Variants in FHL2 observed in about 807,000 individuals in gnomAD.
FHL2 encodes the protein four and a half LIM domains protein 2.
Under a neutral mutation model 32.7 loss-of-function variants are expected in FHL2, and 20 were observed. The ratio of observed to expected loss-of-function variants is 0.61; its 90% CI spans 0.43 to 0.89. The LOEUF (loss-of-function observed/expected upper bound fraction) is 0.89, where lower values mean the gene tolerates loss of function less well. Ranked by LOEUF, FHL2 falls within the 40% of genes least tolerant of loss-of-function variation. The pLI, the probability that FHL2 is intolerant of heterozygous loss-of-function variation, is 0.00. For missense variants in FHL2, 311 were observed against 358.6 expected (o/e 0.87, Z 1.07); for synonymous variants, 123 against 128.1 (o/e 0.96, Z 0.27).
intron 1 of FHL2, among the ~76,000 whole-genome samples, chr2:105,410,197 A>G (rs1351313020): frequency 6.6e-6 from 1 of 152,240 alleles, no homozygotes; most frequent in Non-Finnish European, 1.5e-5. Flanking sequence ...TTTGTCCCCC[A>G]AAAGGAATCA....
At chr2:105,429,381 A>T (rs1684358036) in intron 1 of FHL2, among the ~76,000 whole-genome samples, 1 of 152,148 alleles carries the variant, frequency 6.6e-6, no homozygotes, top group Non-Finnish European at 1.5e-5. Context: ...AGATAGGGGG[A>T]TTATTCTACA....
intron 1 of FHL2, among the ~76,000 whole-genome samples, chr2:105,420,919 G>T (rs543674120): frequency 1.7e-3 from 261 of 152,282 alleles, no homozygotes; most frequent in Non-Finnish European, 3.1e-3. Context: ...TTCCTAACAG[G>T]CCATGAACCA....
At chr2:105,410,383 A>C (rs1170351258) in intron 1 of FHL2, among the ~76,000 whole-genome samples, 1 of 152,140 alleles carries the variant, frequency 6.6e-6, no homozygotes, top group East Asian at 1.9e-4. Flanking sequence ...CTGCTTCTAG[A>C]GGGTCCATGA....
At position 105,411,754 on chromosome 2, in the gene FHL2, G is replaced by A. The variant is rs144897539; in HGVS notation, c.-24-25214C>T. ...GGATAATGGCTTGAACCCAGGAGGC[G>A]GAGGTTGTGGTAAGCCGAGATCACG... On this transcript the variant is annotated intron_variant, in intron 1 of 5. Coordinates refer to the FHL2 transcript ENST00000393352. Among the ~76,000 whole-genome samples, 31 of 151,574 alleles carry A rather than the reference G, an allele frequency of 2.0e-4. No homozygotes were observed. In the East Asian group the frequency reaches 3.9e-3, roughly 19 times the overall value.
In FHL2 at chr2:105,398,987, G is replaced by C; in HGVS notation, c.-221C>G. 6.6e-7 allele frequency: 1 copy of C among 1,509,388 alleles called. No individual in the cohort carries two copies. Among genetic ancestry groups the C allele is most frequent in the Non-Finnish European group, 8.8e-7 (1 of 1,132,774 alleles). The allele number at this position is 1,509,388 out of a possible 1,614,324, so 93.5% of individuals were successfully genotyped here. On this transcript the variant is annotated 5_prime_UTR_variant, in exon 1 of 7. Transcript: ENST00000530340. ...GTACTCACGGCACCGCAGCGGGCCGGGGACTCCCGGACGGGGCTGGAGGGC... is the reference window on the plus strand; with the variant it reads ...GTACTCACGGCACCGCAGCGGGCCGCGGACTCCCGGACGGGGCTGGAGGGC...
chr2:105,421,246 G>C (rs182426863), intron 1 of FHL2, among the ~76,000 whole-genome samples: 89 of 152,356 alleles, frequency 5.8e-4, no homozygotes, highest in African/African-American at 2.1e-3. Flanking sequence ...GTCTGGGACA[G>C]AGTCCACACA....
At chr2:105,432,963 C>T (rs1684482049) in intron 1 of FHL2, among the ~76,000 whole-genome samples, 1 of 152,146 alleles carries the variant, frequency 6.6e-6, no homozygotes, top group African/African-American at 2.4e-5. Context: ...CTTTGGATTT[C>T]AACACTCCTA....
chr2:105,395,935 G>C (rs1683094978), intron 2 of FHL2, among the ~76,000 whole-genome samples: 1 of 152,126 alleles, frequency 6.6e-6, no homozygotes, highest in Non-Finnish European at 1.5e-5. Context: ...ACGAGCACTG[G>C]GATGGACCTG....
chr2:105,381,449 G>A (rs1573328468), intron 3 of FHL2, among the ~76,000 whole-genome samples: 5 of 152,118 alleles, frequency 3.3e-5, no homozygotes, highest in African/African-American at 7.2e-5. Context: ...TCCCCTTCGC[G>A]CAGCTTGTCA....
At chr2:105,392,309 C>CA (rs1463968620) in intron 2 of FHL2, among the ~76,000 whole-genome samples, 6 of 152,000 alleles carry the variant, frequency 3.9e-5, no homozygotes, top group Admixed American at 1.3e-4. Flanking sequence ...CCCATCTCTA[C>CA]AAAAAACACA....
At position 105,386,506 on chromosome 2, in the gene FHL2, C is replaced by T. The variant is rs369109946; in HGVS notation, c.11G>A (p.Arg4His). MTERFDCHHCNESL... is the reference protein window; with the variant it reads MTEHFDCHHCNESL... Reference sequence around the variant, plus strand: ...TTCGTTGCAATGGTGGCAGTCAAAGCGCTCAGTCATTTTGACTCCTGGCTT... The same window carrying T: ...TTCGTTGCAATGGTGGCAGTCAAAGTGCTCAGTCATTTTGACTCCTGGCTT... The change falls in exon 3 of 7, where the codon CGC becomes CAC. Residue 4 changes from arginine to histidine, a missense_variant. Physicochemically the swap from Arg to His is conservative, Grantham distance 29. Transcript: ENST00000530340. 15 of 1,614,016 alleles carry T rather than the reference C, an allele frequency of 9.3e-6. No homozygotes were observed. Among genetic ancestry groups the T allele is most frequent in the African/African-American group, 2.7e-5 (2 of 74,910 alleles).
intron 1 of FHL2, among the ~76,000 whole-genome samples, chr2:105,416,488 A>G (rs1047302058): frequency 6.6e-6 from 1 of 152,224 alleles, no homozygotes; most frequent in African/African-American, 2.4e-5. Context: ...GATAGATTCT[A>G]CACCAAAATT....
At chr2:105,434,628 C>T (rs1353950327) in intron 1 of FHL2, among the ~76,000 whole-genome samples, 2 of 151,940 alleles carry the variant, frequency 1.3e-5, no homozygotes, top group Admixed American at 1.3e-4. Context: ...TTGGTTGCAC[C>T]CTCGGCAATG....
Position 105,363,587 on chromosome 2 carries a change from G to C in FHL2, c.502-116C>G, listed in dbSNP as rs1299987666. ...CATCCAGAAACGTCCAGTTTGTTAA[G>C]TCACCAAGAAGCTGCTTTACAAACT... On this transcript the variant is annotated intron_variant, in intron 5 of 6. Coordinates refer to ENST00000530340, the MANE Select transcript of FHL2 (RefSeq NM_001318895.3). 3 of 972,464 alleles carry C rather than the reference G, an allele frequency of 3.1e-6. No individual in the cohort carries two copies. In the Admixed American group the frequency reaches 8.1e-5, roughly 26 times the overall value. The allele number at this position is 972,464 out of a possible 1,614,324, so 60.2% of individuals were successfully genotyped here. A position where few individuals can be genotyped will look rare whatever the true frequency, so the allele number is the denominator to read the frequency against.
chr2:105,387,744 C>G (rs1045322456), intron 2 of FHL2, among the ~76,000 whole-genome samples: 12 of 152,202 alleles, frequency 7.9e-5, no homozygotes, highest in Non-Finnish European at 1.2e-4. Context: ...ACCCAGCAAT[C>G]CCATTACTGG....
At chr2:105,415,095 A>C (rs566535364) in intron 1 of FHL2, among the ~76,000 whole-genome samples, 2 of 152,380 alleles carry the variant, frequency 1.3e-5, no homozygotes, top group East Asian at 3.9e-4. Flanking sequence ...TTAAGGTAGC[A>C]TAAGTTGGGA....
At chr2:105,384,832 T>C (rs1682180455) in intron 3 of FHL2, among the ~76,000 whole-genome samples, 1 of 152,146 alleles carries the variant, frequency 6.6e-6, no homozygotes, top group South Asian at 2.1e-4. Context: ...TTTATAGATG[T>C]GGAGATGTGC....
intron 1 of FHL2, among the ~76,000 whole-genome samples, chr2:105,426,117 G>T (rs1477811201): frequency 6.6e-6 from 1 of 151,792 alleles, no homozygotes; most frequent in Non-Finnish European, 1.5e-5. Context: ...GCCACACTAT[G>T]TCATCATCGG....
chr2:105,417,972 T>A (rs1207419943), intron 1 of FHL2, among the ~76,000 whole-genome samples: 2 of 152,094 alleles, frequency 1.3e-5, no homozygotes, highest in Admixed American at 6.6e-5. Flanking sequence ...AGTCATATCT[T>A]AATAGTATCA....
Sources: allele counts gnomAD v4.1 joint callset (sites outside exome capture counted in the v4.1 genomes callset), GRCh38; gene constraint gnomAD v4.1.1; transcripts MANE v1.5; gene names NCBI Gene and HGNC (gene_info 2026-07-23, HGNC 2026-07-21).